Variants in RAD52 observed in about 807,000 individuals in gnomAD.
RAD52 encodes DNA repair protein RAD52 homolog.
RAD52 carries 47 observed loss-of-function variants against 55.5 expected under a neutral mutation model. The ratio of observed to expected loss-of-function variants is 0.85; its 90% CI spans 0.67 to 1.08. The LOEUF is 1.08. Among genes scored for constraint, RAD52 ranks in the 50% least tolerant of loss-of-function variants. The pLI is 0.00. For missense variants in RAD52, 468 were observed against 522.8 expected (o/e 0.90, Z 1.02); for synonymous variants, 184 against 198.9 (o/e 0.92, Z 0.63).
At chr12:952,719 C>G (rs1002734886), upstream of RAD52, among the ~76,000 whole-genome samples, 1 of 150,356 alleles carries the variant, frequency 6.7e-6, no homozygotes, top group East Asian at 2.0e-4. Flanking sequence ...CGGTAAAACC[C>G]CGTCTCTACT....
upstream of RAD52, among the ~76,000 whole-genome samples, chr12:990,868 G>A (rs1445792851): frequency 2.0e-5 from 3 of 151,972 alleles, no homozygotes; most frequent in Admixed American, 1.3e-4. Flanking sequence ...GCAAGCAGGA[G>A]GAGACAAGCG....
chr12:928,144 C>T (rs11571434), intron 5 of RAD52, among the ~76,000 whole-genome samples: 2 of 152,294 alleles, frequency 1.3e-5, no homozygotes, highest in East Asian at 3.9e-4. Context: ...CAGCTACTCA[C>T]TCATAGATAC....
intron 1 of RAD52, among the ~76,000 whole-genome samples, chr12:933,818 T>C (rs1005541608): frequency 6.6e-6 from 1 of 152,024 alleles, no homozygotes; most frequent in African/African-American, 2.4e-5. Flanking sequence ...ACATGATGTG[T>C]TATAGTCAAA....
In RAD52 at chr12:973,271, A is replaced by G. The variant is rs566499288; in HGVS notation, c.-19+16538T>C. The stretch of plus-strand genomic sequence containing the variant: ...TTTTTAGTAGAGACGGGGTTTCATC[A>G]TGTTAGCCAGGATGGTCTCGATCTC... On this transcript the variant is annotated intron_variant, in intron 1 of 11. Coordinates refer to the RAD52 transcript ENST00000430095. Among the ~76,000 whole-genome samples the G allele has an allele frequency of 3.1e-3, 467 of 151,706 alleles. 2 individuals are homozygous for G. Among genetic ancestry groups the G allele is most frequent in the African/African-American group, 9.1e-3 (378 of 41,356 alleles).
intron 2 of RAD52, 127 bp from the exon 3 acceptor site, chr12:931,448 A>G (rs1048243847): frequency 2.6e-5 from 16 of 625,416 alleles, no homozygotes; most frequent in Non-Finnish European, 4.2e-5. Context: ...TGTGGGTTCT[A>G]TGTATCCTAT....
upstream of RAD52, among the ~76,000 whole-genome samples, chr12:954,178 G>A (rs1958573887): frequency 6.6e-6 from 1 of 152,116 alleles, no homozygotes; most frequent in Non-Finnish European, 1.5e-5. Context: ...ATTTCTGTAT[G>A]TAGTCATTAC....
intron 1 of RAD52, among the ~76,000 whole-genome samples, chr12:949,034 C>A (rs1958416294): frequency 6.6e-6 from 1 of 152,106 alleles, no homozygotes; most frequent in African/African-American, 2.4e-5. Context: ...CAATACTCAG[C>A]TAAAGTGAGC....
intron 1 of RAD52, among the ~76,000 whole-genome samples, chr12:967,198 G>A (rs1432025096): frequency 6.6e-6 from 1 of 151,846 alleles, no homozygotes; most frequent in Non-Finnish European, 1.5e-5. Context: ...GGCCAACATG[G>A]TGAAACCCCG....
intron 1 of RAD52, among the ~76,000 whole-genome samples, chr12:945,306 G>C (rs374860845): frequency 6.6e-6 from 1 of 150,492 alleles, no homozygotes; most frequent in Non-Finnish European, 1.5e-5. Flanking sequence ...AGCCAAGATC[G>C]CACCACTGCA....
At chr12:987,561 C>T (rs1441061545) in intron 1 of RAD52, among the ~76,000 whole-genome samples, 9 of 140,004 alleles carry the variant, frequency 6.4e-5, no homozygotes, top group African/African-American at 1.6e-4. Flanking sequence ...TTATTGTTTT[C>T]TTTTTTTTTT....
At chr12:951,504 G>T (rs1468445727), upstream of RAD52, among the ~76,000 whole-genome samples, 1 of 152,122 alleles carries the variant, frequency 6.6e-6, no homozygotes, top group East Asian at 1.9e-4. Flanking sequence ...CCCCTTATTG[G>T]ATATATGGTT....
intron 6 of RAD52, 80 bp from the exon 7 acceptor site, chr12:925,605 G>A (rs1218308977): frequency 8.3e-7 from 1 of 1,202,432 alleles, no homozygotes; most frequent in African/African-American, 1.5e-5. Flanking sequence ...TACAACTTTT[G>A]TACAGGTTGC....
Position 973,782 on chromosome 12 carries a change from C to CTTTTTT in RAD52, c.-19+16021_-19+16026dup, listed in dbSNP as rs750425355. ...GCATGAGCCACCACGCCCAGTCCTT[C>CTTTTTT]TTTTTTTTTTTTTTTTTTTTTTAAG... On this transcript the variant is annotated intron_variant, in intron 1 of 11. Coordinates refer to the RAD52 transcript ENST00000430095. 7.9e-5 allele frequency among the ~76,000 whole-genome samples: 9 copies of CTTTTTT among 113,496 alleles called. No homozygotes were observed. The East Asian group carries it at 2.3e-3, about 29-fold the overall frequency. The allele number at this position is 113,496 out of a possible 152,430, so 74.5% of individuals were successfully genotyped here.
At chr12:970,407 G>T (rs549261516) in intron 1 of RAD52, among the ~76,000 whole-genome samples, 1 of 151,824 alleles carries the variant, frequency 6.6e-6, no homozygotes, top group South Asian at 2.1e-4. Flanking sequence ...GCTGATTAGG[G>T]TGGTTACTGG....
At chr12:913,488 T>C (rs1175156460) in intron 11 of RAD52, 36 bp from the exon 12 acceptor site, 1 of 1,438,846 alleles carries the variant, frequency 7.0e-7, no homozygotes. Context: ...GTAGCTGCCA[T>C]AATTTTAAAA....
chr12:915,028 G>A (rs1956281787), intron 9 of RAD52, among the ~76,000 whole-genome samples: 1 of 152,172 alleles, frequency 6.6e-6, no homozygotes, highest in South Asian at 2.1e-4. Context: ...AGCCACTCAG[G>A]AGGCTGAGGA....
chr12:946,717 C>T (rs1283416989), intron 1 of RAD52, among the ~76,000 whole-genome samples: 1 of 152,158 alleles, frequency 6.6e-6, no homozygotes, highest in Non-Finnish European at 1.5e-5. Context: ...CAAAATAACA[C>T]TTATGAACAG....
rs1956163472 is a variant in RAD52 at position 912,743 on chromosome 12, A to AAAAAAAG, written c.*647_*648insCTTTTTT. On this transcript the variant is annotated 3_prime_UTR_variant, in exon 12 of 12. Coordinates refer to ENST00000358495, the MANE Select transcript of RAD52 (RefSeq NM_134424.4). Reference sequence around the variant, plus strand: ...GTCTCAAAAAAAAAAAAAAAAAAAAAAACAAAAAACAGCCTTTTTTCGTGG... The same window carrying AAAAAAAG: ...GTCTCAAAAAAAAAAAAAAAAAAAAAAAAAAAGAACAAAAAACAGCCTTTTTTCGTGG... The AAAAAAAG allele has an allele frequency of 8.3e-6, 1 of 120,926 alleles. No homozygotes were observed. Among genetic ancestry groups the AAAAAAAG allele is most frequent in the East Asian group, 1.6e-4 (1 of 6,202 alleles). 7.5% of individuals were successfully genotyped at this position (120,926 alleles called of 1,614,324 possible).
At chr12:987,143 G>GTATTT (rs771338710) in intron 1 of RAD52, among the ~76,000 whole-genome samples, 2 of 151,822 alleles carry the variant, frequency 1.3e-5, no homozygotes, top group South Asian at 2.1e-4. Flanking sequence ...GCTAATTTTT[G>GTATTT]TATTTTTAGT....
Sources: gnomAD v4.1 joint callset for allele counts (sites outside exome capture counted in the v4.1 genomes callset) on GRCh38, gnomAD v4.1.1 for gene constraint, MANE v1.5 for transcripts, NCBI Gene and HGNC (gene_info 2026-07-23, HGNC 2026-07-21) for gene names.